Variants in SLC8A1 observed in about 807,000 individuals in gnomAD.
SLC8A1 encodes the protein sodium/calcium exchanger 1.
In SLC8A1, 18 loss-of-function variants were observed where a neutral mutation model predicts 68.3. That is an observed-to-expected ratio of 0.26 (90% CI 0.18 to 0.39). The LOEUF (loss-of-function observed/expected upper bound fraction) is 0.39. Among genes scored for constraint, SLC8A1 ranks in the 10% least tolerant of loss-of-function variants. The pLI is 1.00. For missense variants in SLC8A1, 985 were observed against 1,156.7 expected, an observed-to-expected ratio of 0.85 and a Z score of 2.15; for synonymous variants, 475 against 415.5, an observed-to-expected ratio of 1.14 and a Z score of -1.74.
chr2:40,387,727 C>T (rs1418395513), intron 2 of SLC8A1, among the ~76,000 whole-genome samples: 11 of 151,556 alleles, frequency 7.3e-5, no homozygotes, highest in African/African-American at 2.7e-4. Context: ...CACTTGAGGT[C>T]AGGAGTTTGA....
chr2:40,348,458 T>A (rs1670025694), intron 2 of SLC8A1, among the ~76,000 whole-genome samples: 1 of 152,166 alleles, frequency 6.6e-6, no homozygotes, highest in Admixed American at 6.5e-5. Context: ...ATACATCTAA[T>A]AAAAAAGCTT....
At chr2:40,429,303 C>T (rs72558065) in exon 2 of SLC8A1, 19 of 1,613,782 alleles carry the variant, frequency 1.2e-5, no homozygotes, top group Non-Finnish European at 1.4e-5. Context: ...GAATCCTAGC[C>T]ATTTCTCGCC....
chr2:40,309,109 T>A (rs949730633), intron 2 of SLC8A1, among the ~76,000 whole-genome samples: 28 of 152,200 alleles, frequency 1.8e-4, no homozygotes, highest in Non-Finnish European at 3.8e-4. Context: ...TGTTTTGTTA[T>A]TGTTGATGTT....
chr2:40,160,647 C>G, intron 6 of SLC8A1, 118 bp downstream of exon 9: 1 of 793,318 alleles, frequency 1.3e-6, no homozygotes, highest in Non-Finnish European at 2.2e-6. Flanking sequence ...ACTTATTTCT[C>G]CCTTAATTTT....
At chr2:40,488,027 C>G (rs1287787650) in intron 1 of SLC8A1, among the ~76,000 whole-genome samples, 1 of 152,066 alleles carries the variant, frequency 6.6e-6, no homozygotes, top group Non-Finnish European at 1.5e-5. Context: ...GACTGAATAT[C>G]TGGCTTTGAG....
chr2:40,370,574 A>C (rs1331785317), intron 2 of SLC8A1, among the ~76,000 whole-genome samples: 2 of 152,124 alleles, frequency 1.3e-5, no homozygotes, highest in African/African-American at 2.4e-5. Context: ...TCTTATTCTT[A>C]TCAGAATGAC....
At chr2:40,129,099 A>G (rs558373335) in intron 7 of SLC8A1, among the ~76,000 whole-genome samples, 1 of 152,370 alleles carries the variant, frequency 6.6e-6, no homozygotes, top group African/African-American at 2.4e-5. Flanking sequence ...AAAAATCATG[A>G]AATTGTATGT....
At chr2:40,228,330 T>C (rs919395453) in intron 2 of SLC8A1, among the ~76,000 whole-genome samples, 13 of 152,242 alleles carry the variant, frequency 8.5e-5, no homozygotes, top group Non-Finnish European at 1.6e-4. Context: ...TAAGAATTCT[T>C]ATACTTAAAG....
At chr2:40,407,494 C>A (rs1306435702) in intron 2 of SLC8A1, among the ~76,000 whole-genome samples, 2 of 152,142 alleles carry the variant, frequency 1.3e-5, no homozygotes, top group Non-Finnish European at 2.9e-5. Context: ...TGTCTTCCTG[C>A]CTTTTGCCTG....
At chr2:40,160,045 G>GA (rs1245003723) in intron 6 of SLC8A1, among the ~76,000 whole-genome samples, 4 of 148,812 alleles carry the variant, frequency 2.7e-5, no homozygotes, top group Non-Finnish European at 4.5e-5. Flanking sequence ...AGAAGAACAG[G>GA]AAAAAAAATC....
exon 2 of SLC8A1, chr2:40,428,739 A>G (rs1697546732): frequency 6.2e-7 from 1 of 1,613,836 alleles, no homozygotes; most frequent in Non-Finnish European, 8.5e-7. Flanking sequence ...GTGTAGAAAC[A>G]TGATTGGCTT....
intron 2 of SLC8A1, among the ~76,000 whole-genome samples, chr2:40,308,645 GA>G (rs5830619): frequency 3.3e-5 from 5 of 151,028 alleles, no homozygotes; most frequent in Admixed American, 6.6e-5. Context: ...TTCTCTGTTG[GA>G]AAAAAAAATC....
chr2:40,318,685 C>T (rs1401912247), intron 2 of SLC8A1, among the ~76,000 whole-genome samples: 3 of 151,890 alleles, frequency 2.0e-5, no homozygotes, highest in South Asian at 2.1e-4. Context: ...AAAATTCAGT[C>T]CCAAAATAGT....
At chr2:40,155,052 G>T (rs537075017) in intron 6 of SLC8A1, among the ~76,000 whole-genome samples, 3 of 152,168 alleles carry the variant, frequency 2.0e-5, no homozygotes, top group African/African-American at 7.2e-5. Flanking sequence ...AAATCCCATT[G>T]GTAACACCCT....
chr2:40,135,337 G>T (rs865839935), intron 7 of SLC8A1, among the ~76,000 whole-genome samples: 2 of 152,212 alleles, frequency 1.3e-5, no homozygotes, highest in Non-Finnish European at 2.9e-5. Context: ...AGAGATATGG[G>T]TGAGAGAGGA....
intron 2 of SLC8A1, among the ~76,000 whole-genome samples, chr2:40,202,122 G>A (rs1364045835): frequency 2.6e-5 from 4 of 151,948 alleles, no homozygotes; most frequent in African/African-American, 9.7e-5. Context: ...GCACCATGGA[G>A]CAAAGTGCAA....
chr2:40,256,684 G>A (rs1382450273), intron 2 of SLC8A1, among the ~76,000 whole-genome samples: 4 of 151,564 alleles, frequency 2.6e-5, no homozygotes, highest in African/African-American at 2.4e-5. Flanking sequence ...AGGCAATGGA[G>A]GGCAGGAAAA....
chr2:40,097,347 T>C (rs964340302), exon 8 of SLC8A1: 1 of 151,988 alleles, frequency 6.6e-6, no homozygotes, highest in African/African-American at 2.4e-5. Flanking sequence ...CAATGATTTA[T>C]ACAGAATTGA....
chr2:40,383,833 G>A (rs1234682020), intron 2 of SLC8A1, among the ~76,000 whole-genome samples: 1 of 152,064 alleles, frequency 6.6e-6, no homozygotes, highest in African/African-American at 2.4e-5. Context: ...ATAATTAATA[G>A]CATCTGTAAA....
Sources: gnomAD v4.1 joint callset for allele counts (sites outside exome capture counted in the v4.1 genomes callset) on GRCh38, gnomAD v4.1.1 for gene constraint, MANE v1.5 for transcripts, NCBI Gene and HGNC (gene_info 2026-07-23, HGNC 2026-07-21) for gene names.